Variants in ERC2 observed in about 807,000 individuals in gnomAD.
ERC2 encodes the protein ELKS/RAB6-interacting/CAST family member 2.
ERC2 carries 42 observed loss-of-function variants against 114.8 expected under a neutral mutation model. The observed-to-expected ratio is 0.37, with a 90% confidence interval of 0.29 to 0.47. ERC2 has a LOEUF of 0.47. Ranked by LOEUF, ERC2 falls within the 20% of genes least tolerant of loss-of-function variation. The pLI is 0.99. For synonymous variants in ERC2, 454 were observed against 425.5 expected, an observed-to-expected ratio of 1.07 and a Z score of -0.82; for missense variants, 939 against 1,150.7, an observed-to-expected ratio of 0.82 and a Z score of 2.66.
chr3:55,833,483 C>G (rs949614498), intron 14 of ERC2, among the ~76,000 whole-genome samples: 1 of 152,060 alleles, frequency 6.6e-6, no homozygotes, highest in African/African-American at 2.4e-5. Context: ...GAATTTTCAA[C>G]CCAGAATTTC....
At chr3:56,201,651 G>T (rs752613778) in intron 3 of ERC2, among the ~76,000 whole-genome samples, 13 of 152,170 alleles carry the variant, frequency 8.5e-5, no homozygotes, top group Non-Finnish European at 1.5e-4. Context: ...AAAGCCATTT[G>T]CTTCAGTGGG....
At chr3:56,405,001 T>C (rs1278640258) in intron 2 of ERC2, among the ~76,000 whole-genome samples, 1 of 152,096 alleles carries the variant, frequency 6.6e-6, no homozygotes, top group African/African-American at 2.4e-5. Flanking sequence ...TTTGGGAGAA[T>C]AGTCCTGGCA....
chr3:56,255,041 A>T (rs368496717), intron 3 of ERC2, among the ~76,000 whole-genome samples: 78 of 152,322 alleles, frequency 5.1e-4, no homozygotes, highest in African/African-American at 1.8e-3. Flanking sequence ...CGTAGTTCAC[A>T]ATTCTTATTT....
At chr3:56,427,878 T>C (rs981362158) in intron 2 of ERC2, among the ~76,000 whole-genome samples, 4 of 152,170 alleles carry the variant, frequency 2.6e-5, no homozygotes, top group African/African-American at 7.2e-5. Flanking sequence ...TTGTGGGGGA[T>C]ATACAATTCA....
rs77170804 is a variant in ERC2 at position 55,846,020 on chromosome 3, C to T, written c.2564+42369G>A. 7.7e-4 allele frequency among the ~76,000 whole-genome samples: 118 copies of T among 152,258 alleles called. 2 individuals carry two copies. In the East Asian group the frequency reaches 0.018, roughly 23 times the overall value. On this transcript the variant is annotated intron_variant, in intron 14 of 17. Transcript: ENST00000288221. ...TTCTTTTTTTAACTTTTAAGTTGGG[C>T]GGTACATGTGCAGTTTCGTTATATA...
At chr3:55,906,200 G>C (rs2064427054) in intron 13 of ERC2, among the ~76,000 whole-genome samples, 1 of 150,352 alleles carries the variant, frequency 6.7e-6, no homozygotes, top group Non-Finnish European at 1.5e-5. Context: ...GGGGGGGCCG[G>C]GCGCGGTGGC....
intron 7 of ERC2, among the ~76,000 whole-genome samples, chr3:56,052,805 T>C (rs1371273914): frequency 6.6e-6 from 1 of 152,184 alleles, no homozygotes; most frequent in Non-Finnish European, 1.5e-5. Flanking sequence ...CTATTAGTAG[T>C]ACTAATCTTT....
intron 3 of ERC2, among the ~76,000 whole-genome samples, chr3:56,197,281 T>C (rs779888973): frequency 6.6e-6 from 1 of 152,236 alleles, no homozygotes; most frequent in Non-Finnish European, 1.5e-5. Flanking sequence ...GTGATAATGC[T>C]TGCTTCACAG....
intron 14 of ERC2, among the ~76,000 whole-genome samples, chr3:55,803,153 A>T (rs1322194673): frequency 6.6e-6 from 1 of 152,202 alleles, no homozygotes; most frequent in African/African-American, 2.4e-5. Flanking sequence ...TGCAATTTCC[A>T]GTATATTCTT....
intron 17 of ERC2, among the ~76,000 whole-genome samples, chr3:55,534,156 T>C (rs2053843192): frequency 1.3e-5 from 2 of 152,212 alleles, no homozygotes; most frequent in African/African-American, 4.8e-5. Flanking sequence ...CAGTGGCTCA[T>C]GGCCATAATG....
chr3:56,040,628 GTATA>G (rs2075111745), intron 7 of ERC2, among the ~76,000 whole-genome samples: 1 of 124,182 alleles, frequency 8.1e-6, no homozygotes, highest in African/African-American at 2.9e-5. Context: ...AGATGTATAT[GTATA>G]TATACATATA....
In ERC2 at chr3:56,455,587, C is replaced by A. The variant is rs1430375564; in HGVS notation, c.-141+12661G>T. Among the ~76,000 whole-genome samples the A allele has an allele frequency of 2.0e-5, 3 of 152,102 alleles. No homozygotes were observed. In the East Asian group the frequency reaches 5.8e-4, roughly 29 times the overall value. ...TTTCTCTAAACATTACTTTCCTTAT[C>A]AATAAAAATAATACTTAGATCATGA... is the stretch of plus-strand genomic sequence containing the variant. On this transcript the variant is annotated intron_variant, in intron 1 of 17. Coordinates refer to ENST00000288221, the MANE Select transcript of ERC2 (RefSeq NM_015576.3).
At chr3:56,287,342 G>T (rs1008570532) in intron 3 of ERC2, among the ~76,000 whole-genome samples, 1 of 152,214 alleles carries the variant, frequency 6.6e-6, no homozygotes, top group Non-Finnish European at 1.5e-5. Flanking sequence ...TAACTTTGAT[G>T]AAATGGGAGA....
At chr3:56,391,093 A>C (rs2060112493) in intron 2 of ERC2, among the ~76,000 whole-genome samples, 1 of 152,212 alleles carries the variant, frequency 6.6e-6, no homozygotes, top group African/African-American at 2.4e-5. Context: ...ATGAGAACTT[A>C]AGTGAAGCAA....
intron 14 of ERC2, among the ~76,000 whole-genome samples, chr3:55,836,303 C>G (rs1272835000): frequency 6.6e-6 from 1 of 152,142 alleles, no homozygotes; most frequent in East Asian, 1.9e-4. Context: ...CAAGTCAATC[C>G]TAAGCCAAAA....
chr3:55,994,026 C>T (rs1158644010), intron 10 of ERC2, among the ~76,000 whole-genome samples: 1 of 152,074 alleles, frequency 6.6e-6, no homozygotes, highest in Non-Finnish European at 1.5e-5. Flanking sequence ...TGAATCATTA[C>T]TTTTGTTACA....
chr3:56,048,406 T>G (rs1015082229), intron 7 of ERC2, among the ~76,000 whole-genome samples: 16 of 152,158 alleles, frequency 1.1e-4, no homozygotes, highest in African/African-American at 2.7e-4. Flanking sequence ...CTAAACACAG[T>G]GCTTGCTTTG....
At chr3:55,529,185 C>T (rs2053518767) in intron 17 of ERC2, among the ~76,000 whole-genome samples, 1 of 152,086 alleles carries the variant, frequency 6.6e-6, no homozygotes. Context: ...TTCTTTTTTT[C>T]TCTCCAAATC....
intron 2 of ERC2, among the ~76,000 whole-genome samples, chr3:56,341,751 G>A (rs1303810738): frequency 6.6e-6 from 1 of 152,106 alleles, no homozygotes; most frequent in Non-Finnish European, 1.5e-5. Flanking sequence ...CTTTCCCAAG[G>A]AAAGACCCCT....
Sources: gnomAD v4.1 joint callset for allele counts (sites outside exome capture counted in the v4.1 genomes callset) on GRCh38, gnomAD v4.1.1 for gene constraint, MANE v1.5 for transcripts, NCBI Gene and HGNC (gene_info 2026-07-23, HGNC 2026-07-21) for gene names.